WDPCP: variants seen among roughly 807,000 people sequenced by gnomAD.
WDPCP encodes the protein WD repeat-containing and planar cell polarity effector protein fritz homolog.
WDPCP carries 71 observed loss-of-function variants against 93.1 expected under a neutral mutation model. That is an observed-to-expected ratio of 0.76 (90% confidence interval 0.63 to 0.93). The LOEUF is 0.93. WDPCP is among the 40% of genes least tolerant of loss of function. The pLI, the probability that WDPCP is intolerant of heterozygous loss-of-function variation, is 0.00. For missense variants in WDPCP, 844 were observed against 887.4 expected (o/e 0.95, Z 0.62); for synonymous variants, 315 against 315.0 (o/e 1.00, Z 0.00).
chr2:63,622,083 TTGGAA>T, intron 3 of WDPCP: 70 of 1,010,218 alleles, frequency 6.9e-5, no homozygotes, highest in South Asian at 3.8e-4. Flanking sequence ...TTTTTTTTTT[TTGGAA>T]GTTGATTTTT....
intron 1 of WDPCP, among the ~76,000 whole-genome samples, chr2:63,585,319 T>A (rs1265386062): frequency 6.6e-6 from 1 of 152,162 alleles, no homozygotes; most frequent in Admixed American, 6.5e-5. Context: ...TTCAAAAATG[T>A]CCTGCATGTC....
intron 12 of WDPCP, among the ~76,000 whole-genome samples, chr2:63,355,874 C>A (rs1314436262): frequency 6.6e-6 from 1 of 152,066 alleles, no homozygotes; most frequent in Admixed American, 6.6e-5. Context: ...GGTGACAGAG[C>A]AAGACTCTGT....
intron 2 of WDPCP, among the ~76,000 whole-genome samples, chr2:63,708,051 C>G (rs1006480970): frequency 6.6e-6 from 1 of 152,194 alleles, no homozygotes; most frequent in Non-Finnish European, 1.5e-5. Flanking sequence ...GGGGGTGCCT[C>G]CCAGTTAGGC....
chr2:63,743,258 G>T (rs745695308), intron 2 of WDPCP, among the ~76,000 whole-genome samples: 6 of 152,044 alleles, frequency 3.9e-5, no homozygotes, highest in Non-Finnish European at 7.4e-5. Flanking sequence ...CTGCTACGTG[G>T]CTTCCCTACC....
chr2:63,136,949 C>T (rs1459602881), intron 17 of WDPCP, among the ~76,000 whole-genome samples: 1 of 152,028 alleles, frequency 6.6e-6, no homozygotes, highest in East Asian at 1.9e-4. Context: ...TTTTCTTTAT[C>T]CTGTCTATTA....
chr2:63,294,500 A>T (rs1272677201), intron 13 of WDPCP, among the ~76,000 whole-genome samples: 1 of 134,418 alleles, frequency 7.4e-6, no homozygotes, highest in East Asian at 2.2e-4. Context: ...ATAGAACAAG[A>T]CTGTTTCGAA....
intron 10 of WDPCP, chr2:63,403,740 C>A: frequency 4.0e-6 from 1 of 249,982 alleles, no homozygotes; most frequent in Non-Finnish European, 7.7e-6. Context: ...CTAAAATATT[C>A]ACATGTCTAT....
intron 2 of WDPCP, among the ~76,000 whole-genome samples, chr2:63,677,144 G>C (rs1473966505): frequency 6.6e-6 from 1 of 152,194 alleles, no homozygotes; most frequent in Non-Finnish European, 1.5e-5. Context: ...TGTGCAACCA[G>C]TATTGAGAAC....
chr2:63,183,054 A>C (rs1461251865), intron 14 of WDPCP, among the ~76,000 whole-genome samples: 1 of 151,620 alleles, frequency 6.6e-6, no homozygotes, highest in African/African-American at 2.4e-5. Flanking sequence ...TCTAGCTAGC[A>C]GTTTGTCAAC....
chr2:63,802,672 T>C (rs1348748945), intron 2 of WDPCP, among the ~76,000 whole-genome samples: 1 of 152,194 alleles, frequency 6.6e-6, no homozygotes, highest in African/African-American at 2.4e-5. Context: ...TGCTGCATTG[T>C]ACCTAGTCTG....
intron 15 of WDPCP, among the ~76,000 whole-genome samples, chr2:63,161,827 G>A (rs1210015953): frequency 6.6e-6 from 1 of 150,672 alleles, no homozygotes; most frequent in African/African-American, 2.4e-5. Context: ...GCGGTGGCAC[G>A]ATCTCAATTC....
chr2:63,658,705 G>A (rs1710194220), intron 2 of WDPCP, among the ~76,000 whole-genome samples: 1 of 152,216 alleles, frequency 6.6e-6, no homozygotes, highest in Non-Finnish European at 1.5e-5. Context: ...CCCCCAACCT[G>A]TGTAATGGCA....
At chr2:63,607,072 T>C in intron 3 of WDPCP, 16 of 1,281,874 alleles carry the variant, frequency 1.2e-5, no homozygotes, top group Non-Finnish European at 1.5e-5. Flanking sequence ...AATAATGCTA[T>C]ACTTAAATTA....
intron 2 of WDPCP, among the ~76,000 whole-genome samples, chr2:63,712,970 C>T (rs1669285486): frequency 6.6e-6 from 1 of 152,190 alleles, no homozygotes; most frequent in African/African-American, 2.4e-5. Flanking sequence ...GGAGTGGTTC[C>T]TCTGACTTGG....
upstream of WDPCP, among the ~76,000 whole-genome samples, chr2:63,591,602 C>T (rs1044564599): frequency 6.6e-6 from 1 of 152,218 alleles, no homozygotes; most frequent in African/African-American, 2.4e-5. Context: ...TTCAGCCCCC[C>T]TTTTCTTATC....
At chr2:63,415,140 T>C (rs958895904) in intron 9 of WDPCP, among the ~76,000 whole-genome samples, 1 of 152,138 alleles carries the variant, frequency 6.6e-6, no homozygotes. Flanking sequence ...GGCGGGAGGA[T>C]TACTTGAGCC....
At chr2:63,208,769 T>C (rs1676530501) in intron 14 of WDPCP, among the ~76,000 whole-genome samples, 1 of 152,290 alleles carries the variant, frequency 6.6e-6, no homozygotes, top group East Asian at 1.9e-4. Context: ...CATGAAGCTG[T>C]TGTTGTTGTT....
intron 1 of WDPCP, among the ~76,000 whole-genome samples, chr2:63,565,628 T>C (rs1173227922): frequency 6.6e-6 from 1 of 152,180 alleles, no homozygotes. Flanking sequence ...AATTACTATA[T>C]TGATAGATAA....
upstream of WDPCP, chr2:63,588,890 C>G: frequency 1.0e-6 from 1 of 965,870 alleles, no homozygotes; most frequent in East Asian, 2.4e-5. Flanking sequence ...ACCAGGGCAG[C>G]GTAAACTACA....
Sources: allele counts gnomAD v4.1 joint callset (sites outside exome capture counted in the v4.1 genomes callset), GRCh38; gene constraint gnomAD v4.1.1; transcripts MANE v1.5; gene names NCBI Gene and HGNC (gene_info 2026-07-23, HGNC 2026-07-21).